The following NAV3 variants were observed in gnomAD, a reference collection of about 807,000 sequenced individuals.
NAV3 encodes pore membrane and/or filament interacting like protein 1.
Under a neutral mutation model 244.7 loss-of-function variants are expected in NAV3, and 87 were observed. The ratio of observed to expected loss-of-function variants is 0.36; its 90% CI spans 0.30 to 0.42. The LOEUF is 0.42. Among genes scored for constraint, NAV3 ranks in the 20% least tolerant of loss-of-function variants. The pLI, the probability that NAV3 is intolerant of heterozygous loss-of-function variation, is 1.00. For missense variants in NAV3, 2,663 were observed against 2,893.3 expected, an observed-to-expected ratio of 0.92 and a Z score of 1.83; for synonymous variants, 1,126 against 1,042.2, an observed-to-expected ratio of 1.08 and a Z score of -1.55.
At chr12:77,921,457 C>T (rs149934786) in intron 1 of NAV3, among the ~76,000 whole-genome samples, 16 of 152,150 alleles carry the variant, frequency 1.1e-4, no homozygotes, top group African/African-American at 1.9e-4. Context: ...CTTACATAAA[C>T]GTTGGCAGCC....
intron 8 of NAV3, among the ~76,000 whole-genome samples, chr12:78,014,581 C>A (rs190553569): frequency 2.0e-5 from 3 of 152,166 alleles, no homozygotes; most frequent in Admixed American, 2.0e-4. Context: ...TAAAATATTT[C>A]TGTGGGACTA....
chr12:77,677,364 G>T (rs935621530), intron 2 of NAV3, among the ~76,000 whole-genome samples: 6 of 152,196 alleles, frequency 3.9e-5, no homozygotes, highest in Non-Finnish European at 8.8e-5. Flanking sequence ...CACATTCTGT[G>T]CCCTGATGGT....
intron 2 of NAV3, among the ~76,000 whole-genome samples, chr12:77,789,720 G>A (rs1018272662): frequency 6.7e-6 from 1 of 148,786 alleles, no homozygotes; most frequent in Non-Finnish European, 1.5e-5. Context: ...TGAGGCAGGA[G>A]AATCACTTGA....
chr12:77,903,457 C>T (rs1231807251), intron 1 of NAV3, among the ~76,000 whole-genome samples: 4 of 152,276 alleles, frequency 2.6e-5, no homozygotes, highest in Admixed American at 2.0e-4. Context: ...AAAGCTGAAA[C>T]TGGATCCCTT....
chr12:77,836,208 C>T (rs1314660314), intron 1 of NAV3, among the ~76,000 whole-genome samples: 1 of 152,174 alleles, frequency 6.6e-6, no homozygotes, highest in East Asian at 1.9e-4. Flanking sequence ...TTTGTCACAG[C>T]TCAGCAAACA....
At chr12:77,993,142 A>T (rs1442025083) in intron 5 of NAV3, among the ~76,000 whole-genome samples, 2 of 152,172 alleles carry the variant, frequency 1.3e-5, no homozygotes, top group Non-Finnish European at 2.9e-5. Flanking sequence ...CTGTGCTAAG[A>T]TTTATATTAT....
chr12:77,925,307 T>C (rs1888087469), intron 1 of NAV3, among the ~76,000 whole-genome samples: 1 of 152,194 alleles, frequency 6.6e-6, no homozygotes, highest in Non-Finnish European at 1.5e-5. Context: ...ATTTGAAATT[T>C]GGGGCTAATT....
chr12:77,849,636 C>T (rs771513066), intron 1 of NAV3, among the ~76,000 whole-genome samples: 9 of 152,076 alleles, frequency 5.9e-5, no homozygotes, highest in Non-Finnish European at 1.0e-4. Context: ...TTTCCATCCC[C>T]AAGATACCTC....
chr12:77,928,740 TC>T (rs1266901536), intron 1 of NAV3, among the ~76,000 whole-genome samples: 2 of 152,232 alleles, frequency 1.3e-5, no homozygotes, highest in Non-Finnish European at 2.9e-5. Flanking sequence ...GTATTTCTGT[TC>T]ATCTAAAAAT....
At chr12:77,824,135 A>G (rs902347226) in intron 2 of NAV3, among the ~76,000 whole-genome samples, 5 of 152,000 alleles carry the variant, frequency 3.3e-5, no homozygotes, top group Admixed American at 1.3e-4. Context: ...GTATAGTGGC[A>G]CAATCTTGGC....
rs147103059 is a variant in NAV3 at position 78,025,393 on chromosome 12, C to T, written c.2023+3531C>T. Among the ~76,000 whole-genome samples the T allele has an allele frequency of 5.2e-3, 788 of 151,822 alleles. 2 individuals carry two copies. The highest frequency in any genetic ancestry group is 8.0e-3 in the Non-Finnish European group (542 of 67,930). On this transcript the variant is annotated intron_variant, in intron 9 of 39. Coordinates refer to ENST00000397909, the MANE Select transcript of NAV3 (RefSeq NM_001024383.2). Reference sequence around the variant, plus strand: ...GGGTCAGGTAATGAGATCAGGAGTTCGAAACCAGCCTGGCCAACACAGTGA... The same window carrying T: ...GGGTCAGGTAATGAGATCAGGAGTTTGAAACCAGCCTGGCCAACACAGTGA...
intron 12 of NAV3, among the ~76,000 whole-genome samples, chr12:78,080,292 G>A (rs1953282217): frequency 6.6e-6 from 1 of 152,126 alleles, no homozygotes. Flanking sequence ...CAAGAGAACA[G>A]AAAGACTAGG....
intron 2 of NAV3, among the ~76,000 whole-genome samples, chr12:77,815,679 T>G (rs1872501511): frequency 6.6e-6 from 1 of 152,164 alleles, no homozygotes; most frequent in Admixed American, 6.5e-5. Context: ...ATATAAAATG[T>G]GGTCATGGCT....
At chr12:77,882,454 G>A (rs779418620) in intron 1 of NAV3, among the ~76,000 whole-genome samples, 3 of 152,082 alleles carry the variant, frequency 2.0e-5, no homozygotes, top group African/African-American at 4.8e-5. Flanking sequence ...CGACTTAAAT[G>A]TAAGGCCTTA....
At chr12:78,088,360 C>T (rs1237119351) in intron 12 of NAV3, among the ~76,000 whole-genome samples, 1 of 151,924 alleles carries the variant, frequency 6.6e-6, no homozygotes, top group African/African-American at 2.4e-5. Context: ...AAGAATTAGA[C>T]ACTATTATTA....
At chr12:77,873,651 T>C (rs1445010479) in intron 1 of NAV3, among the ~76,000 whole-genome samples, 1 of 142,110 alleles carries the variant, frequency 7.0e-6, no homozygotes, top group African/African-American at 2.5e-5. Context: ...AGAAATAGTA[T>C]TTTTATATAT....
intron 2 of NAV3, among the ~76,000 whole-genome samples, chr12:77,649,314 A>G (rs1872727399): frequency 6.6e-6 from 1 of 152,096 alleles, no homozygotes; most frequent in South Asian, 2.1e-4. Flanking sequence ...GTATTTGCGT[A>G]TTTCTATTTC....
intron 12 of NAV3, among the ~76,000 whole-genome samples, chr12:78,082,162 C>T (rs778863347): frequency 1.3e-5 from 2 of 152,170 alleles, no homozygotes; most frequent in Admixed American, 1.3e-4. Flanking sequence ...TGGCTTTGCT[C>T]CTCCTTGCTT....
intron 2 of NAV3, among the ~76,000 whole-genome samples, chr12:77,587,271 C>T (rs1054072459): frequency 1.3e-5 from 2 of 152,004 alleles, no homozygotes; most frequent in Non-Finnish European, 2.9e-5. Flanking sequence ...TTTTCAAATA[C>T]AATAAGATCA....
Sources: gnomAD v4.1 joint callset for allele counts (sites outside exome capture counted in the v4.1 genomes callset) on GRCh38, gnomAD v4.1.1 for gene constraint, MANE v1.5 for transcripts, NCBI Gene and HGNC (gene_info 2026-07-23, HGNC 2026-07-21) for gene names.